The following FBXO21 variants were observed in gnomAD, a reference collection of about 807,000 sequenced individuals.
FBXO21 encodes F-box only protein 21.
A neutral mutation model predicts 76.6 loss-of-function variants in FBXO21; 32 were observed. The ratio of observed to expected loss-of-function variants is 0.42; its 90% confidence interval spans 0.32 to 0.56. The LOEUF (loss-of-function observed/expected upper bound fraction) is 0.56. Among genes scored for constraint, FBXO21 ranks in the 20% least tolerant of loss-of-function variants. The pLI is 0.16. For synonymous variants in FBXO21, 328 were observed against 311.5 expected, an observed-to-expected ratio of 1.05 and a Z score of -0.56; for missense variants, 586 against 797.3, an observed-to-expected ratio of 0.73 and a Z score of 3.19.
chr12:117,155,802 T>C lies in FBXO21; in HGVS notation c.1664A>G (p.Tyr555Cys). 6.2e-7 allele frequency: 1 copy of C among 1,613,622 alleles called. No individual in the cohort carries two copies. Residue 555 changes from tyrosine (Y) to cysteine (C), a missense_variant, in exon 11 of 12, where the codon TAC becomes TGC. Tyr to Cys is a radical substitution (Grantham distance 194, BLOSUM62 -2). Coordinates refer to ENST00000622495, the MANE Select transcript of FBXO21 (RefSeq NM_015002.3). ...NVLVEDGSCRYAAQENLEYNV... is the reference protein window; with the variant it reads ...NVLVEDGSCRCAAQENLEYNV... ...AACCCGCCGCTTACCTTGGGCTGCG[T>C]ATCGACAGGAGCCGTCCTCCACCAG...
intron 11 of FBXO21, among the ~76,000 whole-genome samples, chr12:117,148,897 C>G (rs549116074): frequency 3.3e-5 from 5 of 152,334 alleles, no homozygotes; most frequent in African/African-American, 1.2e-4. Flanking sequence ...TCCACTAACT[C>G]TGATCTCTCT....
chr12:117,163,314 C>T (rs541178346), intron 9 of FBXO21, among the ~76,000 whole-genome samples: 1 of 152,230 alleles, frequency 6.6e-6, no homozygotes, highest in South Asian at 2.1e-4. Flanking sequence ...AGGTGGATCA[C>T]TTGAGGTCAG....
chr12:117,190,108 G>A (rs971032250), intron 1 of FBXO21, 110 bp downstream of exon 1: 2 of 450,788 alleles, frequency 4.4e-6, no homozygotes, highest in Non-Finnish European at 2.9e-6. Context: ...AAGGGGTCCG[G>A]GGTGGGGTCC....
intron 2 of FBXO21, chr12:117,189,026 T>A: frequency 1.6e-6 from 1 of 626,500 alleles, no homozygotes; most frequent in Non-Finnish European, 2.7e-6. Context: ...TTTAGAAAAG[T>A]AAAGCTGGCA....
At chr12:117,188,982 T>C in intron 2 of FBXO21, 2 of 536,724 alleles carry the variant, frequency 3.7e-6, no homozygotes, top group South Asian at 2.2e-5. Context: ...CGTGGGTCCC[T>C]CCCTGCTCCC....
chr12:117,185,413 C>T (rs541990668), intron 3 of FBXO21, among the ~76,000 whole-genome samples: 1 of 152,266 alleles, frequency 6.6e-6, no homozygotes, highest in South Asian at 2.1e-4. Context: ...CGCAAAGATT[C>T]CTTTTAAGGA....
At chr12:117,172,352 C>T in intron 7 of FBXO21, 119 bp downstream of exon 7, 2 of 1,110,338 alleles carry the variant, frequency 1.8e-6, no homozygotes, top group East Asian at 2.4e-5. Flanking sequence ...TCCATCACCA[C>T]CCTAGTCCTA....
At chr12:117,155,611 G>T in intron 11 of FBXO21, 180 bp downstream of exon 11, 1 of 685,034 alleles carries the variant, frequency 1.5e-6, no homozygotes, top group Non-Finnish European at 2.5e-6. Flanking sequence ...TCGCCAGGGC[G>T]GCACCTGTGC....
chr12:117,147,900 G>A (rs1955795762), intron 11 of FBXO21, among the ~76,000 whole-genome samples: 1 of 152,186 alleles, frequency 6.6e-6, no homozygotes. Context: ...AGCCATCCTT[G>A]GCACTGCCCA....
intron 2 of FBXO21, among the ~76,000 whole-genome samples, chr12:117,188,485 C>T (rs752814610): frequency 6.6e-6 from 1 of 151,924 alleles, no homozygotes; most frequent in South Asian, 2.1e-4. Flanking sequence ...TAGGAGGTTG[C>T]AGTGAGCTGA....
intron 1 of FBXO21, among the ~76,000 whole-genome samples, chr12:117,189,873 G>A (rs1204827886): frequency 1.3e-5 from 2 of 152,158 alleles, no homozygotes; most frequent in Non-Finnish European, 2.9e-5. Context: ...GGGATGCTGC[G>A]CCCGCCCGAT....
At chr12:117,165,959 G>A (rs1270189113) in intron 8 of FBXO21, among the ~76,000 whole-genome samples, 4 of 152,146 alleles carry the variant, frequency 2.6e-5, no homozygotes, top group African/African-American at 9.7e-5. Context: ...GGAGGCCAAG[G>A]CGGGCGGATC....
intron 3 of FBXO21, among the ~76,000 whole-genome samples, chr12:117,181,599 G>GAGTCTATCTATCTATCTACCTATCTA (rs1555242787): frequency 6.9e-5 from 10 of 145,536 alleles, no homozygotes; most frequent in African/African-American, 2.3e-4. Flanking sequence ...ATCTGAGACA[G>GAGTCTATCTATCTATCTACCTATCTA]TCTATCTATC....
At chr12:117,161,747 G>C (rs1158524686) in intron 9 of FBXO21, among the ~76,000 whole-genome samples, 1 of 152,148 alleles carries the variant, frequency 6.6e-6, no homozygotes, top group African/African-American at 2.4e-5. Context: ...ACTGACACAA[G>C]AAGAGGGGAA....
intron 11 of FBXO21, among the ~76,000 whole-genome samples, chr12:117,153,616 C>G (rs2135849890): frequency 6.6e-6 from 1 of 152,316 alleles, no homozygotes; most frequent in South Asian, 2.1e-4. Context: ...AGAGGGAGGA[C>G]CCTGAAGACA....
chr12:117,185,309 C>G (rs1366627297), intron 3 of FBXO21, among the ~76,000 whole-genome samples: 5 of 152,186 alleles, frequency 3.3e-5, no homozygotes. Flanking sequence ...CATCTTACCT[C>G]TACCCACAGT....
chr12:117,162,539 A>C (rs1456387498), intron 9 of FBXO21, among the ~76,000 whole-genome samples: 1 of 152,204 alleles, frequency 6.6e-6, no homozygotes, highest in Non-Finnish European at 1.5e-5. Context: ...CCCGACTTAA[A>C]ATCTCACCAT....
At chr12:117,172,448 G>A (rs1462953172) in intron 7 of FBXO21, 23 bp downstream of exon 7, 2 of 1,606,628 alleles carry the variant, frequency 1.2e-6, no homozygotes, top group African/African-American at 1.3e-5. Flanking sequence ...CAGGACCACA[G>A]ATAATGTGTC....
Position 117,145,251 on chromosome 12 carries a change from A to C in FBXO21, c.*836T>G, listed in dbSNP as rs974421442. ...TAAGACCTACTCATGATACTGAAGT[A>C]GATTTTTTAAATTAAAAAATAAAAG... On this transcript the variant is annotated 3_prime_UTR_variant, in exon 12 of 12. Transcript: ENST00000622495. 25 of 152,252 alleles carry C rather than the reference A, an allele frequency of 1.6e-4. No individual in the cohort carries two copies. The highest frequency in any genetic ancestry group is 5.8e-4 in the African/African-American group (24 of 41,566). The allele number at this position is 152,252 out of a possible 1,614,324, so 9.4% of individuals were successfully genotyped here. A position where few individuals can be genotyped will look rare whatever the true frequency, so the allele number is the denominator to read the frequency against.
Sources: gnomAD v4.1 joint callset for allele counts (sites outside exome capture counted in the v4.1 genomes callset) on GRCh38, gnomAD v4.1.1 for gene constraint, MANE v1.5 for transcripts, NCBI Gene and HGNC (gene_info 2026-07-23, HGNC 2026-07-21) for gene names.